LRRC37A3: variants seen among roughly 807,000 people sequenced by gnomAD.
LRRC37A3 encodes the protein leucine rich repeat containing 37 member A3, also known as leucine-rich repeat-containing protein 37A3.
A neutral mutation model predicts 106.2 loss-of-function variants in LRRC37A3; 25 were observed. That is an observed-to-expected ratio of 0.24 (90% confidence interval 0.17 to 0.33). LRRC37A3 has a LOEUF of 0.33. Ranked by LOEUF, LRRC37A3 falls within the 10% of genes least tolerant of loss-of-function variation. LRRC37A3 has a pLI of 1.00. For missense variants in LRRC37A3, 712 were observed against 1,644.9 expected (o/e 0.43, Z 9.81); for synonymous variants, 305 against 635.8 (o/e 0.48, Z 7.83).
In LRRC37A3 at chr17:64,896,713, T is replaced by C. The variant is rs1351680753; in HGVS notation, c.545A>G (p.Asn182Ser). Residue 182 changes from asparagine (N) to serine (S), a missense_variant, in exon 4 of 15, where the codon AAT (asparagine) becomes AGT (serine). Asn to Ser is a conservative substitution (Grantham distance 46). Transcript: ENST00000584306. ...TPQSQKQTLQ[N>S]EYSSTDTPYP... Reference sequence around the variant, plus strand: ...CGGTGTATCTGTACTGGAATATTCATTCTGCAAAGTCTGTTTCTGACTCTG... The same window carrying C: ...CGGTGTATCTGTACTGGAATATTCACTCTGCAAAGTCTGTTTCTGACTCTG... The C allele has an allele frequency of 6.2e-7, 1 of 1,602,404 alleles. No individual in the cohort carries two copies. The highest frequency in any genetic ancestry group is 8.5e-7 in the Non-Finnish European group (1 of 1,179,920).
At chr17:64,916,631 A>C (rs1974707985) in intron 2 of LRRC37A3, among the ~76,000 whole-genome samples, 1 of 149,800 alleles carries the variant, frequency 6.7e-6, no homozygotes, top group South Asian at 2.1e-4. Context: ...AAAAAAAAAA[A>C]AAACTAGCCA....
In LRRC37A3 at chr17:64,866,617, TATATATATATA is replaced by T. The variant is rs1457503658; in HGVS notation, c.3053+1834_3053+1844del. 2.1e-3 allele frequency among the ~76,000 whole-genome samples: 53 copies of T among 24,778 alleles called. 1 individual carries two copies. The highest frequency in any genetic ancestry group is 2.3e-3 in the African/African-American group (11 of 4,806). The allele number at this position is 24,778 out of a possible 152,430, so 16.3% of individuals were successfully genotyped here. A position where few individuals can be genotyped will look rare whatever the true frequency, so the allele number is the denominator to read the frequency against. ...ATATATATATATATATATATATATATATATATATATATTTTTTTTTTTTTTTTTTTTTAGAC... is the reference window on the plus strand; with the variant it reads ...ATATATATATATATATATATATATATTTTTTTTTTTTTTTTTTTTTTAGAC... On this transcript the variant is annotated intron_variant, in intron 10 of 14. Coordinates refer to ENST00000584306, the MANE Select transcript of LRRC37A3 (RefSeq NM_199340.5).
intron 8 of LRRC37A3, among the ~76,000 whole-genome samples, chr17:64,873,303 C>T (rs550850452): frequency 1.1e-3 from 172 of 149,662 alleles, no homozygotes; most frequent in African/African-American, 4.2e-3. Context: ...TGAGAAGGAC[C>T]AGATGTTAGA....
At chr17:64,904,286 G>A (rs1452410584) in intron 2 of LRRC37A3, among the ~76,000 whole-genome samples, 2 of 152,398 alleles carry the variant, frequency 1.3e-5, no homozygotes, top group South Asian at 2.1e-4. Context: ...TTGAGACCAG[G>A]CAGGACAACA....
chr17:64,913,049 G>T (rs1455999061), intron 2 of LRRC37A3, among the ~76,000 whole-genome samples: 1 of 147,814 alleles, frequency 6.8e-6, no homozygotes, highest in African/African-American at 2.5e-5. Flanking sequence ...TTTCCCCCGA[G>T]ATGGAGTCTT....
At position 64,860,108 on chromosome 17, in the gene LRRC37A3, T is replaced by G. The variant is rs1391186307; in HGVS notation, c.4038A>C (p.Ala1346=). The change falls in exon 12 of 15, where the codon GCA becomes GCC. Residue 1346 remains alanine (A), a synonymous_variant. Coordinates refer to ENST00000584306, the MANE Select transcript of LRRC37A3 (RefSeq NM_199340.5). ...LMLSNRLPFS[A]AKSLINSPSQ... ...AAGGGGAATTTATGAGGCTCTTCGC[T>G]GCAGAGAACGGAAGCCTGTTTGAGA... is the stretch of plus-strand genomic sequence containing the variant. The G allele has an allele frequency of 9.9e-6, 16 of 1,614,004 alleles. No individual in the cohort carries two copies. Among genetic ancestry groups the G allele is most frequent in the Non-Finnish European group, 1.4e-5 (16 of 1,179,876 alleles).
At position 64,896,620 on chromosome 17, in the gene LRRC37A3, ACT is replaced by A. The variant is rs756055518; in HGVS notation, c.636_637del (p.Gln212HisfsTer19). 1 of 1,511,662 alleles carries A rather than the reference ACT, an allele frequency of 6.6e-7. No individual in the cohort carries two copies. Among genetic ancestry groups the A allele is most frequent in the Admixed American group, 1.7e-5 (1 of 58,568 alleles). The allele number at this position is 1,511,662 out of a possible 1,614,324, so 93.6% of individuals were successfully genotyped here. ...CTCTAGATGGAATTGAGAAGGTCCA[ACT>A]TGCTCAGAGGGCCCTGGAGGCTCAT... On this transcript the variant is annotated frameshift_variant, in exon 4 of 15. Coordinates refer to ENST00000584306, the MANE Select transcript of LRRC37A3 (RefSeq NM_199340.5). LOFTEE classifies it high-confidence loss of function.
rs1056110071 is a variant in LRRC37A3, at chr17:64,881,177, C to G, written c.2906+4909G>C. The G allele has an allele frequency of 1.4e-5, 10 of 700,788 alleles. No homozygotes were observed. In the African/African-American group the frequency reaches 1.7e-4, roughly 12 times the overall value. 43.4% of individuals were successfully genotyped at this position (700,788 alleles called of 1,614,324 possible). A position where few individuals can be genotyped will look rare whatever the true frequency, so the allele number is the denominator to read the frequency against. ...CCATACAAGACCTCGGACTGCATCA[C>G]GTAAATGCTTTTTCAGGGGCAAAAT... On this transcript the variant is annotated intron_variant, in intron 8 of 14. Transcript: ENST00000584306.
Position 64,859,598 on chromosome 17 carries a change from C to T in LRRC37A3, c.4548G>A (p.Lys1516=). The T allele has an allele frequency of 1.2e-6, 2 of 1,613,116 alleles. No homozygotes were observed. The highest frequency in any genetic ancestry group is 1.7e-6 in the Non-Finnish European group (2 of 1,179,920). The change falls in exon 12 of 15, where the codon AAG becomes AAA. Residue 1516 remains lysine, a synonymous_variant. Transcript: ENST00000584306. The part of the protein sequence containing the change: ...SGAHVQVTCA[K]LVSRTGHLMK... ...TCAGGTGGCCTGTCCTGGAGACGAG[C>T]TTGGCACAGGTCACTTGCACATGGG...
rs774341319 is a variant in LRRC37A3, at chr17:64,859,676, C to T, written c.4470G>A (p.Val1490=). Residue 1490 remains valine (V), a synonymous_variant, in exon 12 of 15, where the codon GTG becomes GTA. Coordinates refer to ENST00000584306, the MANE Select transcript of LRRC37A3 (RefSeq NM_199340.5). Reference sequence around the variant, plus strand: ...GGATAACATGAGCAATGAGCCTTCTCACATTGTTGTTGGGGATAACGGACT... The same window carrying T: ...GGATAACATGAGCAATGAGCCTTCTTACATTGTTGTTGGGGATAACGGACT... ...QLQSVIPNNN[V]RRLIAHVIRT... 47 of 1,613,674 alleles carry T rather than the reference C, an allele frequency of 2.9e-5. No homozygotes were observed. The highest frequency in any genetic ancestry group is 3.6e-5 in the Non-Finnish European group (42 of 1,180,010).
chr17:64,913,336 G>GTTTTTT (rs1567788647), intron 2 of LRRC37A3, among the ~76,000 whole-genome samples: 4 of 125,406 alleles, frequency 3.2e-5, no homozygotes, highest in Admixed American at 7.9e-5. Flanking sequence ...GCCTATTTTG[G>GTTTTTT]GTTTTTTTTT....
At chr17:64,855,797 G>A (rs547563572) in intron 14 of LRRC37A3, 43 bp downstream of exon 14, 33 of 1,609,420 alleles carry the variant, frequency 2.1e-5, no homozygotes, top group Middle Eastern at 4.5e-4. Flanking sequence ...GGGAAACTCC[G>A]TCTCAAAAGA....
intron 10 of LRRC37A3, among the ~76,000 whole-genome samples, chr17:64,865,423 C>T (rs2143410597): frequency 6.6e-6 from 1 of 152,324 alleles, no homozygotes; most frequent in African/African-American, 2.4e-5. Flanking sequence ...GGATTACAGG[C>T]ATGAGCCCAA....
chr17:64,877,240 T>C (rs1265081097), intron 8 of LRRC37A3, among the ~76,000 whole-genome samples: 1 of 152,156 alleles, frequency 6.6e-6, no homozygotes, highest in Non-Finnish European at 1.5e-5. Context: ...CTCACTCTGT[T>C]GCCCAGGCTT....
At chr17:64,872,479 T>C (rs1392219512) in intron 8 of LRRC37A3, among the ~76,000 whole-genome samples, 1 of 152,200 alleles carries the variant, frequency 6.6e-6, no homozygotes, top group Non-Finnish European at 1.5e-5. Flanking sequence ...TGATGTCATC[T>C]GTCTGGTGGT....
chr17:64,916,721 G>A (rs920518004), intron 2 of LRRC37A3, among the ~76,000 whole-genome samples: 7 of 150,970 alleles, frequency 4.6e-5, no homozygotes, highest in South Asian at 2.1e-4. Flanking sequence ...AGAAGGTGGC[G>A]GCTGCAGTGA....
chr17:64,881,227 T>TTTTTCTTTTCTTTTC lies in LRRC37A3; in HGVS notation c.2906+4844_2906+4858dup, dbSNP rs201419991. 34 of 698,636 alleles carry TTTTTCTTTTCTTTTC rather than the reference T, an allele frequency of 4.9e-5. No individual in the cohort carries two copies. In the African/African-American group the frequency reaches 5.8e-4, roughly 12 times the overall value. The allele number at this position is 698,636 out of a possible 1,614,324, so 43.3% of individuals were successfully genotyped here. A position where few individuals can be genotyped will look rare whatever the true frequency, so the allele number is the denominator to read the frequency against. ...TCTAGAGAATCTGAAACAGTGAGCC[T>TTTTTCTTTTCTTTTC]TTTTCTTTTCTTTTCTTTTCTTTTC... On this transcript the variant is annotated intron_variant, in intron 8 of 14. Transcript: ENST00000584306.
chr17:64,866,904 A>G (rs1973133888), intron 10 of LRRC37A3, among the ~76,000 whole-genome samples: 1 of 149,486 alleles, frequency 6.7e-6, no homozygotes, highest in African/African-American at 2.5e-5. Flanking sequence ...ATCACTTGAG[A>G]CCAGGAGTCC....
At chr17:64,857,136 C>A (rs996118440) in intron 13 of LRRC37A3, among the ~76,000 whole-genome samples, 5 of 152,224 alleles carry the variant, frequency 3.3e-5, no homozygotes, top group Non-Finnish European at 7.3e-5. Flanking sequence ...TAAGATTTTA[C>A]TGGAAGTAAT....
Sources: gnomAD v4.1 joint callset for allele counts (sites outside exome capture counted in the v4.1 genomes callset) on GRCh38, gnomAD v4.1.1 for gene constraint, MANE v1.5 for transcripts, NCBI Gene and HGNC (gene_info 2026-07-23, HGNC 2026-07-21) for gene names.